ZC3H18: variants seen among roughly 807,000 people sequenced by gnomAD.
The protein encoded by ZC3H18 is zinc finger CCCH-type containing 18, also known as zinc finger CCCH domain-containing protein 18.
A neutral mutation model predicts 106.1 loss-of-function variants in ZC3H18; 8 were observed. That is an observed-to-expected ratio of 0.08 (90% CI 0.04 to 0.14). The LOEUF (loss-of-function observed/expected upper bound fraction) is 0.14. ZC3H18 is among the 10% of genes least tolerant of loss of function. The pLI, the probability that ZC3H18 is intolerant of heterozygous loss-of-function variation, is 1.00. For missense variants in ZC3H18, 1,318 were observed against 1,278.4 expected (o/e 1.03, Z -0.47); for synonymous variants, 635 against 522.1 (o/e 1.22, Z -2.95).
At chr16:88,581,596 A>C (rs1197682749) in intron 2 of ZC3H18, among the ~76,000 whole-genome samples, 1 of 152,152 alleles carries the variant, frequency 6.6e-6, no homozygotes, top group East Asian at 1.9e-4. Flanking sequence ...CACCTGGCTC[A>C]TTTGTGGTGT....
chr16:88,608,867 T>G, intron 6 of ZC3H18, 67 bp from the exon 7 acceptor site: 3 of 1,320,096 alleles, frequency 2.3e-6, no homozygotes, highest in Middle Eastern at 1.9e-4. Flanking sequence ...GTCCCTAATG[T>G]TTCGTGTGGT....
chr16:88,574,442 C>G (rs1251737900), intron 1 of ZC3H18, among the ~76,000 whole-genome samples: 1 of 151,856 alleles, frequency 6.6e-6, no homozygotes, highest in Non-Finnish European at 1.5e-5. Context: ...CTCCTGACTT[C>G]GGATGATCCA....
At chr16:88,595,738 A>C (rs1224628880) in intron 3 of ZC3H18, among the ~76,000 whole-genome samples, 1 of 151,408 alleles carries the variant, frequency 6.6e-6, no homozygotes, top group African/African-American at 2.4e-5. Context: ...ACTGTGAGGC[A>C]GAGGTTGCAA....
chr16:88,573,485 C>G (rs1248705319), intron 1 of ZC3H18, among the ~76,000 whole-genome samples: 1 of 152,030 alleles, frequency 6.6e-6, no homozygotes, highest in Non-Finnish European at 1.5e-5. Flanking sequence ...TTGCCTTGGG[C>G]TGCAGAAATG....
At chr16:88,595,563 T>G (rs987168776) in intron 3 of ZC3H18, among the ~76,000 whole-genome samples, 1 of 151,584 alleles carries the variant, frequency 6.6e-6, no homozygotes, top group Non-Finnish European at 1.5e-5. Flanking sequence ...TCCCAGCTCT[T>G]TGGGAGGCCG....
At chr16:88,592,867 T>C (rs1284364249) in intron 3 of ZC3H18, among the ~76,000 whole-genome samples, 1 of 147,818 alleles carries the variant, frequency 6.8e-6, no homozygotes, top group East Asian at 2.1e-4. Flanking sequence ...AATCTTACAC[T>C]TGTGTACAGA....
chr16:88,582,045 C>T (rs1029261593), intron 2 of ZC3H18, among the ~76,000 whole-genome samples: 1 of 152,102 alleles, frequency 6.6e-6, no homozygotes, highest in Non-Finnish European at 1.5e-5. Flanking sequence ...GGACCTCCTA[C>T]ATTTGTAGGG....
At chr16:88,622,843 G>T (rs190240905) in intron 9 of ZC3H18, 86 of 306,656 alleles carry the variant, frequency 2.8e-4, no homozygotes, top group Admixed American at 2.3e-3. Flanking sequence ...ATCATGCTCG[G>T]CAGGAACAGG....
intron 13 of ZC3H18, 51 bp downstream of exon 13, chr16:88,625,318 G>A (rs1906236308): frequency 1.9e-6 from 3 of 1,551,410 alleles, no homozygotes; most frequent in Non-Finnish European, 2.6e-6. Context: ...TCGGGGCCAG[G>A]AAGTCCCAGA....
chr16:88,602,869 C>T (rs1251265370), intron 6 of ZC3H18, among the ~76,000 whole-genome samples: 1 of 152,174 alleles, frequency 6.6e-6, no homozygotes, highest in East Asian at 1.9e-4. Context: ...TTGCTTACTA[C>T]AGGATGGAGC....
At chr16:88,617,085 A>G (rs1905658862) in intron 8 of ZC3H18, among the ~76,000 whole-genome samples, 1 of 152,104 alleles carries the variant, frequency 6.6e-6, no homozygotes, top group African/African-American at 2.4e-5. Context: ...CCCAATAGGA[A>G]ACACTGCCCT....
chr16:88,611,563 G>C, intron 8 of ZC3H18, 27 bp downstream of exon 8: 5 of 1,545,940 alleles, frequency 3.2e-6, no homozygotes, highest in Non-Finnish European at 4.4e-6. Flanking sequence ...GAAGCCCAGG[G>C]GTGTGGGGGA....
At chr16:88,587,885 A>G (rs1379347580) in intron 3 of ZC3H18, among the ~76,000 whole-genome samples, 1 of 152,190 alleles carries the variant, frequency 6.6e-6, no homozygotes, top group African/African-American at 2.4e-5. Context: ...CCCCTGTGCA[A>G]GAGATGACCT....
chr16:88,599,192 G>T (rs952755928), intron 5 of ZC3H18, among the ~76,000 whole-genome samples: 3 of 152,186 alleles, frequency 2.0e-5, no homozygotes, highest in African/African-American at 7.2e-5. Context: ...AGAAAGCCTG[G>T]CGAGGCTGCC....
At chr16:88,625,088 G>C (rs899942143) in intron 12 of ZC3H18, 114 bp from the exon 13 acceptor site, 2 of 1,249,752 alleles carry the variant, frequency 1.6e-6, no homozygotes, top group African/African-American at 3.0e-5. Flanking sequence ...CTGTTCCAAG[G>C]TGGTAGCAAG....
At chr16:88,607,261 G>A (rs1745488277) in intron 6 of ZC3H18, among the ~76,000 whole-genome samples, 3 of 152,164 alleles carry the variant, frequency 2.0e-5, no homozygotes, top group Admixed American at 2.0e-4. Flanking sequence ...TGCTGCGATG[G>A]CACTGGCTTA....
intron 2 of ZC3H18, among the ~76,000 whole-genome samples, chr16:88,580,052 G>A (rs575711009): frequency 2.6e-5 from 4 of 152,200 alleles, no homozygotes; most frequent in South Asian, 2.1e-4. Context: ...TTGTTCCCAC[G>A]CCCAGCAGCG....
chr16:88,600,197 T>C (rs182184333), intron 6 of ZC3H18, among the ~76,000 whole-genome samples: 2 of 152,314 alleles, frequency 1.3e-5, no homozygotes, highest in Admixed American at 1.3e-4. Flanking sequence ...ACCGTTGTGG[T>C]TCCTGAGCTC....
chr16:88,580,645 A>T (rs535528300), intron 2 of ZC3H18, among the ~76,000 whole-genome samples: 2 of 152,034 alleles, frequency 1.3e-5, no homozygotes, highest in African/African-American at 4.8e-5. Context: ...TCTTTCTCAG[A>T]GGCCCTGCTG....
Sources: allele counts gnomAD v4.1 joint callset (sites outside exome capture counted in the v4.1 genomes callset), GRCh38; gene constraint gnomAD v4.1.1; transcripts MANE v1.5; gene names NCBI Gene and HGNC (gene_info 2026-07-23, HGNC 2026-07-21).